TRIM49: variants seen among roughly 807,000 people sequenced by gnomAD.
TRIM49 encodes tripartite motif-containing protein 49.
TRIM49 carries 5 observed loss-of-function variants against 27.4 expected under a neutral mutation model. The observed-to-expected ratio is 0.18, with a 90% confidence interval of 0.10 to 0.38. The LOEUF (loss-of-function observed/expected upper bound fraction) is 0.38. Ranked by LOEUF, TRIM49 falls within the 10% of genes least tolerant of loss-of-function variation. The pLI, the probability that TRIM49 is intolerant of heterozygous loss-of-function variation, is 1.00. For missense variants in TRIM49, 188 were observed against 487.5 expected (o/e 0.39, Z 5.79); for synonymous variants, 69 against 166.0 (o/e 0.42, Z 4.49).
At chr11:89,795,808 C>T (rs1949683709), downstream of TRIM49, among the ~76,000 whole-genome samples, 1 of 151,136 alleles carries the variant, frequency 6.6e-6, no homozygotes, top group South Asian at 2.1e-4. Context: ...ATGGGTGCAG[C>T]ACACCAACAT....
chr11:89,802,792 T>C (rs1440580805), intron 4 of TRIM49, among the ~76,000 whole-genome samples: 1 of 150,592 alleles, frequency 6.6e-6, no homozygotes, highest in Non-Finnish European at 1.5e-5. Context: ...CTGGCCTCTA[T>C]TGTCCTTTTC....
the TRIM49 span, chr11:89,777,480 A>T: frequency 1.3e-4 from 177 of 1,401,716 alleles, 4 homozygotes; most frequent in Non-Finnish European, 1.6e-4. Context: ...AATGCAGATG[A>T]TGGAGGTGGT....
the TRIM49 span, among the ~76,000 whole-genome samples, chr11:89,770,072 A>G: frequency 1.6e-5 from 2 of 123,316 alleles, no homozygotes; most frequent in Admixed American, 7.6e-5. Flanking sequence ...ATAGGCAGAC[A>G]TTCTCCCCTC....
At chr11:89,801,580 AT>A (rs1172747828) in intron 5 of TRIM49, 121 bp downstream of exon 5, 1 of 770,602 alleles carries the variant, frequency 1.3e-6, no homozygotes, top group African/African-American at 1.8e-5. Context: ...AGCATTAGTT[AT>A]GTGAATGTGT....
At chr11:89,803,944 CA>C (rs1949761377) in intron 3 of TRIM49, 114 bp downstream of exon 3, 1 of 1,594,474 alleles carries the variant, frequency 6.3e-7, no homozygotes, top group Non-Finnish European at 8.5e-7. Context: ...TAAGAAAGCC[CA>C]AACAGAGCTG....
the TRIM49 span, among the ~76,000 whole-genome samples, chr11:89,791,622 A>T: frequency 1.3e-5 from 2 of 151,288 alleles, no homozygotes; most frequent in African/African-American, 4.9e-5. Flanking sequence ...TTCAACCCAG[A>T]ATATCATATC....
the TRIM49 span, chr11:89,766,712 A>G: frequency 0.038 from 52,822 of 1,405,884 alleles, 4,526 homozygotes; most frequent in East Asian, 0.16. Flanking sequence ...TTTCAAAATC[A>G]AGAAACACAC....
the TRIM49 span, among the ~76,000 whole-genome samples, chr11:89,773,070 A>C: frequency 2.2e-5 from 3 of 137,014 alleles, no homozygotes; most frequent in Admixed American, 6.9e-5. Context: ...AGACACCTGT[A>C]ATCCCAGCTA....
the TRIM49 span, chr11:89,778,103 A>T: frequency 1.4e-6 from 1 of 706,876 alleles, no homozygotes; most frequent in South Asian, 1.8e-5. Flanking sequence ...ACCAGTTAAA[A>T]GATAGTGATT....
intron 5 of TRIM49, 99 bp from the exon 6 acceptor site, chr11:89,801,087 T>C (rs1282312806): frequency 8.4e-6 from 12 of 1,422,352 alleles, no homozygotes; most frequent in Non-Finnish European, 1.1e-5. Context: ...GAAGATATTA[T>C]TTCCCTACCA....
chr11:89,795,847 G>T (rs1298652584), downstream of TRIM49, among the ~76,000 whole-genome samples: 2 of 151,626 alleles, frequency 1.3e-5, no homozygotes, highest in Non-Finnish European at 2.9e-5. Flanking sequence ...TAACAAATCT[G>T]CACGTTGTGC....
chr11:89,800,983 A>C lies in TRIM49; in HGVS notation c.744T>G (p.Phe248Leu). 4 of 1,418,344 alleles carry C rather than the reference A, an allele frequency of 2.8e-6. No individual in the cohort carries two copies. Among genetic ancestry groups the C allele is most frequent in the Non-Finnish European group, 3.8e-6 (4 of 1,055,652 alleles). The allele number at this position is 1,418,344 out of a possible 1,614,324, so 87.9% of individuals were successfully genotyped here. ...ACACTCACCTGTGTAATATGTCTCC[A>C]AAAGCCTGAAAAAAAAAAAAAGAAG... ...HKPDVELLQA[F>L]GDILHRSESV... is the part of the protein sequence containing the mutation. The change falls in exon 6 of 8, where the codon TTT becomes TTG. Residue 248 changes from phenylalanine to leucine, a missense_variant. Phe to Leu is a conservative substitution (Grantham distance 22, BLOSUM62 0). Around this residue, in one of 6 missense-constraint regions of TRIM49, gnomAD observed 14 missense variants for 118.8 expected, o/e 0.12. Coordinates refer to ENST00000329758, the MANE Select transcript of TRIM49 (RefSeq NM_020358.2).
At chr11:89,791,077 G>T in the TRIM49 span, among the ~76,000 whole-genome samples, 12 of 149,314 alleles carry the variant, frequency 8.0e-5, no homozygotes, top group Non-Finnish European at 1.8e-4. Flanking sequence ...GAAAACCATG[G>T]CAGGAGAACT....
At chr11:89,768,373 C>A in the TRIM49 span, 1 of 981,110 alleles carries the variant, frequency 1.0e-6, no homozygotes, top group Admixed American at 1.9e-5. Flanking sequence ...ATTCAAACCA[C>A]TTCTGATATT....
At chr11:89,790,868 C>A in the TRIM49 span, among the ~76,000 whole-genome samples, 1 of 152,144 alleles carries the variant, frequency 6.6e-6, no homozygotes, top group Non-Finnish European at 1.5e-5. Flanking sequence ...GAATGCAGAT[C>A]CTCACCAGCA....
At chr11:89,767,553 G>A in the TRIM49 span, among the ~76,000 whole-genome samples, 224 of 124,906 alleles carry the variant, frequency 1.8e-3, 4 homozygotes, top group Middle Eastern at 7.2e-3. Flanking sequence ...TCTGCCTTCT[G>A]AAAAGTGCAG....
downstream of TRIM49, among the ~76,000 whole-genome samples, chr11:89,797,034 C>A (rs1384535703): frequency 1.3e-5 from 2 of 152,240 alleles, no homozygotes; most frequent in African/African-American, 2.4e-5. Flanking sequence ...GTATCTTTGA[C>A]AACACACAAT....
intron 2 of TRIM49, among the ~76,000 whole-genome samples, chr11:89,804,960 A>G (rs2134646713): frequency 6.6e-6 from 1 of 151,212 alleles, no homozygotes; most frequent in African/African-American, 2.4e-5. Context: ...GCAGCAAACC[A>G]CCATGGCACA....
downstream of TRIM49, among the ~76,000 whole-genome samples, chr11:89,796,013 A>T (rs1254203259): frequency 2.6e-5 from 4 of 151,812 alleles, no homozygotes; most frequent in Non-Finnish European, 2.9e-5. Context: ...TAGACATGAG[A>T]CTATTCATAG....
Sources: allele counts gnomAD v4.1 joint callset (sites outside exome capture counted in the v4.1 genomes callset), GRCh38; gene constraint gnomAD v4.1.1; regional missense constraint gnomAD v4.1.1; transcripts MANE v1.5; gene names NCBI Gene and HGNC (gene_info 2026-07-23, HGNC 2026-07-21).